Variants in TGFBR3 observed in about 807,000 individuals in gnomAD.
TGFBR3 encodes transforming growth factor beta receptor type 3.
TGFBR3 carries 46 observed loss-of-function variants against 87.9 expected under a neutral mutation model. The ratio of observed to expected loss-of-function variants is 0.52; its 90% CI spans 0.41 to 0.67. The LOEUF is 0.67. Among genes scored for constraint, TGFBR3 ranks in the 30% least tolerant of loss-of-function variants. The pLI is 0.00. For synonymous variants in TGFBR3, 381 were observed against 391.6 expected (o/e 0.97, Z 0.32); for missense variants, 866 against 1,041.9 (o/e 0.83, Z 2.32).
chr1:91,689,986 A>T (rs1671215976), intron 16 of TGFBR3, among the ~76,000 whole-genome samples: 1 of 152,230 alleles, frequency 6.6e-6, no homozygotes, highest in Non-Finnish European at 1.5e-5. Flanking sequence ...GAAAACAAAG[A>T]TAACAAAAGT....
intron 10 of TGFBR3, 57 bp from the exon 11 acceptor site, chr1:91,716,765 G>A (rs1272670469): frequency 1.2e-6 from 2 of 1,604,176 alleles, no homozygotes; most frequent in Non-Finnish European, 8.5e-7. Flanking sequence ...ATGTGTGTTT[G>A]GTTCTGCCTC....
chr1:91,719,297 C>T lies in TGFBR3; in HGVS notation c.1566+15G>A, dbSNP rs1672279300. 29 of 1,613,992 alleles carry T rather than the reference C, an allele frequency of 1.8e-5. No individual in the cohort carries two copies. The highest frequency in any genetic ancestry group is 2.4e-5 in the Non-Finnish European group (28 of 1,180,016). Reference sequence around the variant, plus strand: ...CTCTGGCAAAGGGCAAAGCTTTGTTCTGGAAAACACTCACGGAGTTATAGT... The same window carrying T: ...CTCTGGCAAAGGGCAAAGCTTTGTTTTGGAAAACACTCACGGAGTTATAGT... On this transcript the variant is annotated intron_variant, in intron 10 of 16. Coordinates refer to ENST00000212355, the MANE Select transcript of TGFBR3 (RefSeq NM_003243.5).
chr1:91,773,271 C>A (rs939523276), intron 3 of TGFBR3, among the ~76,000 whole-genome samples: 3 of 149,454 alleles, frequency 2.0e-5, no homozygotes, highest in African/African-American at 7.4e-5. Context: ...AAGTATCTTA[C>A]TTTGGGCTTC....
intron 2 of TGFBR3, among the ~76,000 whole-genome samples, chr1:91,895,188 G>C (rs1679528926): frequency 6.6e-6 from 1 of 152,142 alleles, no homozygotes; most frequent in African/African-American, 2.4e-5. Flanking sequence ...AGTGGGAGGT[G>C]ATTGGATCAT....
At chr1:91,733,666 A>G (rs1273463722) in intron 5 of TGFBR3, among the ~76,000 whole-genome samples, 1 of 152,184 alleles carries the variant, frequency 6.6e-6, no homozygotes, top group African/African-American at 2.4e-5. Flanking sequence ...CAGCTATAAC[A>G]AGGACCCATT....
At chr1:91,774,490 T>A (rs568647191) in intron 3 of TGFBR3, among the ~76,000 whole-genome samples, 5 of 151,730 alleles carry the variant, frequency 3.3e-5, no homozygotes, top group South Asian at 2.1e-4. Flanking sequence ...GATGAGCAGG[T>A]TTTTTTTATT....
At chr1:91,848,648 A>T (rs1257024635) in intron 2 of TGFBR3, among the ~76,000 whole-genome samples, 2 of 152,244 alleles carry the variant, frequency 1.3e-5, no homozygotes, top group African/African-American at 4.8e-5. Context: ...ACTCAGAAAC[A>T]TTTACTATGT....
At chr1:91,816,763 T>C (rs1676242407) in intron 2 of TGFBR3, among the ~76,000 whole-genome samples, 2 of 152,198 alleles carry the variant, frequency 1.3e-5, no homozygotes, top group South Asian at 2.1e-4. Flanking sequence ...AAAAGCAAAA[T>C]GAAGCATTAA....
chr1:91,697,719 TAAGACTTAAAGCA>T (rs561506853), intron 15 of TGFBR3, among the ~76,000 whole-genome samples: 1 of 152,324 alleles, frequency 6.6e-6, no homozygotes, highest in Non-Finnish European at 1.5e-5. Flanking sequence ...ATATTGTTGA[TAAGACTTAAAGCA>T]AACCACTTCC....
At chr1:91,827,566 G>C (rs1176484652) in intron 2 of TGFBR3, among the ~76,000 whole-genome samples, 9 of 152,154 alleles carry the variant, frequency 5.9e-5, no homozygotes, top group African/African-American at 2.2e-4. Flanking sequence ...GGGAGAGACA[G>C]GCCCCCATTA....
chr1:91,782,902 T>C (rs1249474823), intron 3 of TGFBR3, among the ~76,000 whole-genome samples: 1 of 152,062 alleles, frequency 6.6e-6, no homozygotes, highest in Non-Finnish European at 1.5e-5. Flanking sequence ...AGCTTCCACG[T>C]AAACGGGTCC....
At chr1:91,886,210 G>A (rs974351019), upstream of TGFBR3, 9 of 452,354 alleles carry the variant, frequency 2.0e-5, no homozygotes, top group African/African-American at 4.0e-5. Flanking sequence ...GGGCGGGGAC[G>A]GGCAGGACGC....
At chr1:91,775,499 C>G (rs778011798) in intron 3 of TGFBR3, among the ~76,000 whole-genome samples, 2 of 152,220 alleles carry the variant, frequency 1.3e-5, no homozygotes, top group African/African-American at 2.4e-5. Context: ...TTCAAGCACG[C>G]TTCCTCTAAG....
At chr1:91,828,424 TAAATGTTCAGCACTG>T (rs1017297946) in intron 2 of TGFBR3, among the ~76,000 whole-genome samples, 15 of 152,192 alleles carry the variant, frequency 9.9e-5, no homozygotes, top group Admixed American at 2.6e-4. Flanking sequence ...GCCCAGTGTA[TAAATGTTCAGCACTG>T]AAATGAATGA....
chr1:91,749,500 T>C (rs1390401111), intron 4 of TGFBR3, among the ~76,000 whole-genome samples: 1 of 152,124 alleles, frequency 6.6e-6, no homozygotes, highest in African/African-American at 2.4e-5. Flanking sequence ...ACACAGAAAT[T>C]AGAAGGCTAA....
chr1:91,804,202 T>C (rs968269054), intron 2 of TGFBR3, among the ~76,000 whole-genome samples: 1 of 151,978 alleles, frequency 6.6e-6, no homozygotes, highest in African/African-American at 2.4e-5. Flanking sequence ...ACACCAACCA[T>C]GAAATGAAGG....
intron 2 of TGFBR3, among the ~76,000 whole-genome samples, chr1:91,845,542 A>AAGGG (rs1677436584): frequency 6.6e-6 from 1 of 152,200 alleles, no homozygotes; most frequent in African/African-American, 2.4e-5. Flanking sequence ...TCTCATCTAT[A>AAGGG]AGGGACAGGG....
chr1:91,845,607 T>C (rs1443019621), intron 2 of TGFBR3, among the ~76,000 whole-genome samples: 3 of 152,228 alleles, frequency 2.0e-5, no homozygotes, highest in Non-Finnish European at 4.4e-5. Context: ...GGTGTTATCA[T>C]TCTATATGTC....
At position 91,859,555 on chromosome 1, in the gene TGFBR3, T is replaced by C. The variant is rs140409649; in HGVS notation, c.61+1916A>G. 1.8e-3 allele frequency among the ~76,000 whole-genome samples: 272 copies of C among 151,694 alleles called. 2 individuals are homozygous for C. Among genetic ancestry groups the C allele is most frequent in the African/African-American group, 6.1e-3 (254 of 41,362 alleles). ...AAATGAAACTGCTGATAGACAAAAA[T>C]AGAGAATGGGCAGTTGAAATTCATA... On this transcript the variant is annotated intron_variant, in intron 2 of 16. Coordinates refer to ENST00000212355, the MANE Select transcript of TGFBR3 (RefSeq NM_003243.5).
Sources: gnomAD v4.1 joint callset for allele counts (sites outside exome capture counted in the v4.1 genomes callset) on GRCh38, gnomAD v4.1.1 for gene constraint, MANE v1.5 for transcripts, NCBI Gene and HGNC (gene_info 2026-07-23, HGNC 2026-07-21) for gene names.